SPMIP3: variants seen among roughly 807,000 people sequenced by gnomAD.
SPMIP3 encodes the protein sperm microtubule inner protein 3.
At chr1:244,354,653 G>A in the SPMIP3 span, among the ~76,000 whole-genome samples, 1 of 152,160 alleles carries the variant, frequency 6.6e-6, no homozygotes, top group Non-Finnish European at 1.5e-5. Context: ...AAGCCACCAT[G>A]GCTGGCCTGA....
the SPMIP3 span, chr1:244,389,639 G>C: frequency 2.0e-5 from 3 of 151,976 alleles, no homozygotes; most frequent in Non-Finnish European, 4.4e-5. Flanking sequence ...TCTAGGGAGA[G>C]GAAAGAATCC....
chr1:244,382,600 GTTT>G, the SPMIP3 span, among the ~76,000 whole-genome samples: 1 of 106,066 alleles, frequency 9.4e-6, no homozygotes, highest in African/African-American at 3.3e-5. Flanking sequence ...TCTGGCTGCT[GTTT>G]TTTTTTTTTT....
the SPMIP3 span, among the ~76,000 whole-genome samples, chr1:244,378,968 A>G: frequency 0.26 from 39,976 of 151,730 alleles, 5,492 homozygotes; most frequent in East Asian, 0.46. Context: ...TCGCTCTGTC[A>G]CCCAGGCTGG....
the SPMIP3 span, among the ~76,000 whole-genome samples, chr1:244,377,996 G>C: frequency 6.6e-6 from 1 of 151,974 alleles, no homozygotes; most frequent in Admixed American, 6.6e-5. Context: ...TTGTAGAGAT[G>C]GGTTTTCACC....
chr1:244,376,098 G>C, the SPMIP3 span, among the ~76,000 whole-genome samples: 1 of 152,188 alleles, frequency 6.6e-6, no homozygotes, highest in African/African-American at 2.4e-5. Flanking sequence ...AGAACAAGCA[G>C]AGGTGGGTGG....
chr1:244,376,081 T>C, the SPMIP3 span, among the ~76,000 whole-genome samples: 24 of 152,254 alleles, frequency 1.6e-4, no homozygotes, highest in Non-Finnish European at 2.9e-4. Context: ...CTGTTAAGCA[T>C]GAAATAAGAA....
the SPMIP3 span, among the ~76,000 whole-genome samples, chr1:244,366,734 G>T: frequency 2.0e-5 from 3 of 152,124 alleles, no homozygotes; most frequent in Non-Finnish European, 4.4e-5. Context: ...ACAAAAATTA[G>T]CCAGGCGTGG....
At chr1:244,364,141 A>C in the SPMIP3 span, among the ~76,000 whole-genome samples, 1 of 151,296 alleles carries the variant, frequency 6.6e-6, no homozygotes, top group South Asian at 2.1e-4. Flanking sequence ...GTCTCACTCT[A>C]TGGCCCTGGC....
At chr1:244,371,698 A>T in the SPMIP3 span, among the ~76,000 whole-genome samples, 94 of 152,340 alleles carry the variant, frequency 6.2e-4, no homozygotes, top group African/African-American at 2.3e-3. Flanking sequence ...CACCGCCCAC[A>T]GCCCAGCAAC....
At chr1:244,373,313 G>A in the SPMIP3 span, among the ~76,000 whole-genome samples, 2 of 69,914 alleles carry the variant, frequency 2.9e-5, no homozygotes, top group Admixed American at 1.2e-4. Context: ...GGGCAACATA[G>A]TGAAACTACA....
the SPMIP3 span, among the ~76,000 whole-genome samples, chr1:244,373,162 C>A: frequency 6.6e-6 from 1 of 151,566 alleles, no homozygotes; most frequent in African/African-American, 2.4e-5. Flanking sequence ...GGGAGAATCA[C>A]TTGAGCCCAG....
the SPMIP3 span, among the ~76,000 whole-genome samples, chr1:244,365,687 A>G: frequency 6.6e-6 from 1 of 152,190 alleles, no homozygotes; most frequent in Non-Finnish European, 1.5e-5. Flanking sequence ...GTTTAGGGAA[A>G]GTTGTAAGAA....
chr1:244,365,659 C>G, the SPMIP3 span, among the ~76,000 whole-genome samples: 1 of 152,166 alleles, frequency 6.6e-6, no homozygotes, highest in Non-Finnish European at 1.5e-5. Flanking sequence ...CATAGAGTTG[C>G]TCTAGCCTCC....
At chr1:244,383,748 A>G in the SPMIP3 span, among the ~76,000 whole-genome samples, 9 of 152,306 alleles carry the variant, frequency 5.9e-5, no homozygotes, top group East Asian at 1.7e-3. Flanking sequence ...AGGAACTAAA[A>G]ACAATAAGGG....
the SPMIP3 span, among the ~76,000 whole-genome samples, chr1:244,354,211 A>G: frequency 6.6e-6 from 1 of 152,118 alleles, no homozygotes; most frequent in Non-Finnish European, 1.5e-5. Context: ...CCTGACTCTA[A>G]TATCCTTCCT....
At chr1:244,365,008 C>T in the SPMIP3 span, among the ~76,000 whole-genome samples, 7 of 152,136 alleles carry the variant, frequency 4.6e-5, no homozygotes, top group Admixed American at 2.6e-4. Flanking sequence ...CAGGGACTTA[C>T]GAACAGAAGC....
the SPMIP3 span, among the ~76,000 whole-genome samples, chr1:244,373,338 A>T: frequency 2.3e-5 from 3 of 131,754 alleles, no homozygotes; most frequent in African/African-American, 8.2e-5. Flanking sequence ...AAAATTATAT[A>T]TATATATATA....
At chr1:244,381,564 C>T in the SPMIP3 span, among the ~76,000 whole-genome samples, 1 of 152,190 alleles carries the variant, frequency 6.6e-6, no homozygotes, top group Admixed American at 6.5e-5. Context: ...GATTTCAGTC[C>T]TGCAGGGAAC....
the SPMIP3 span, among the ~76,000 whole-genome samples, chr1:244,386,771 T>C: frequency 6.6e-6 from 1 of 152,220 alleles, no homozygotes; most frequent in Non-Finnish European, 1.5e-5. Context: ...CCATTCTTAA[T>C]ATCCAGAAAT....
Sources: allele counts gnomAD v4.1 joint callset (sites outside exome capture counted in the v4.1 genomes callset), GRCh38; gene constraint gnomAD v4.1.1; transcripts MANE v1.5; gene names NCBI Gene and HGNC (gene_info 2026-07-23, HGNC 2026-07-21).